The following STAC variants were observed in gnomAD, a reference collection of about 807,000 sequenced individuals.
The protein encoded by STAC is SH3 and cysteine-rich domain-containing protein.
Under a neutral mutation model 48.8 loss-of-function variants are expected in STAC, and 43 were observed. The ratio of observed to expected loss-of-function variants is 0.88; its 90% confidence interval spans 0.69 to 1.14. The LOEUF is 1.14. STAC is among the 50% of genes most tolerant of loss of function. The pLI is 0.00. For synonymous variants in STAC, 193 were observed against 179.5 expected, an observed-to-expected ratio of 1.07 and a Z score of -0.60; for missense variants, 497 against 504.0, an observed-to-expected ratio of 0.99 and a Z score of 0.13.
intron 10 of STAC, among the ~76,000 whole-genome samples, chr3:36,542,615 A>T (rs933247673): frequency 1.3e-5 from 2 of 151,994 alleles, no homozygotes; most frequent in African/African-American, 4.8e-5. Flanking sequence ...GGTGTTTCTT[A>T]CCCCATTGGC....
At position 36,493,201 on chromosome 3, in the gene STAC, G is replaced by T; in HGVS notation, c.738G>T (p.Gly246=). 1 of 1,613,538 alleles carries T rather than the reference G, an allele frequency of 6.2e-7. No homozygotes were observed. The highest frequency in any genetic ancestry group is 8.5e-7 in the Non-Finnish European group (1 of 1,179,608). The change falls in exon 6 of 11, where the codon GGG becomes GGT. Residue 246 remains glycine, a synonymous_variant. Transcript: ENST00000273183. ...VPEEANGPGG[G]YDLRKRSNSV... ...AGGAAGCCAATGGGCCAGGAGGCGG[G>T]TATGACCTAAGGAAACGCAGCAACA...
intron 10 of STAC, among the ~76,000 whole-genome samples, chr3:36,544,143 G>A (rs972757165): frequency 6.6e-6 from 1 of 152,086 alleles, no homozygotes; most frequent in Non-Finnish European, 1.5e-5. Flanking sequence ...CACACTCCCT[G>A]CTCATCACTG....
intron 1 of STAC, among the ~76,000 whole-genome samples, chr3:36,442,742 ACACACACACACACACACACACACAC>A (rs1261435209): frequency 0.018 from 8 of 456 alleles, no homozygotes; most frequent in Non-Finnish European, 0.077. Context: ...TATGTCCTAC[ACACACACACACACACACACACACAC>A]ACACACACAC....
chr3:36,448,154 C>A (rs949531280), intron 2 of STAC, among the ~76,000 whole-genome samples: 1 of 139,506 alleles, frequency 7.2e-6, no homozygotes, highest in African/African-American at 2.7e-5. Context: ...ATTATGGTCA[C>A]AGAATTTTAT....
chr3:36,520,070 A>G (rs1010219351), intron 8 of STAC, among the ~76,000 whole-genome samples: 5 of 152,312 alleles, frequency 3.3e-5, no homozygotes, highest in Admixed American at 3.3e-4. Flanking sequence ...GGACATCCAG[A>G]TCAGTCATGT....
intron 1 of STAC, among the ~76,000 whole-genome samples, chr3:36,412,013 G>C (rs146823501): frequency 9.9e-5 from 15 of 152,280 alleles, no homozygotes; most frequent in Admixed American, 9.1e-4. Context: ...ACAAGTTAAA[G>C]ATAATTTTGA....
chr3:36,494,171 A>AAAAG (rs1299701230), intron 6 of STAC, among the ~76,000 whole-genome samples: 6 of 150,828 alleles, frequency 4.0e-5, no homozygotes, highest in Admixed American at 2.6e-4. Context: ...AAAAAAAAAA[A>AAAAG]AAAGAAAGAG....
At chr3:36,399,628 G>C (rs1699961113) in intron 1 of STAC, among the ~76,000 whole-genome samples, 3 of 152,144 alleles carry the variant, frequency 2.0e-5, no homozygotes, top group Admixed American at 2.0e-4. Flanking sequence ...CAGCTGCCCT[G>C]CTCTCCTAAG....
At chr3:36,481,184 T>C (rs1697636295) in intron 2 of STAC, among the ~76,000 whole-genome samples, 2 of 152,040 alleles carry the variant, frequency 1.3e-5, no homozygotes, top group African/African-American at 4.8e-5. Context: ...AGCTCGAGTA[T>C]TCAAGGAACT....
Position 36,489,514 on chromosome 3 carries a change from G to A in STAC, c.687+3265G>A, listed in dbSNP as rs546679629. 5.4e-4 allele frequency among the ~76,000 whole-genome samples: 82 copies of A among 152,172 alleles called. 1 individual carries two copies. The highest frequency in any genetic ancestry group is 7.6e-4 in the Non-Finnish European group (52 of 68,036). Reference sequence around the variant, plus strand: ...GCACCCACCTCTTCCCTGGTGCCCCGGAGCATCCAGTTCATTAATCCATTA... The same window carrying A: ...GCACCCACCTCTTCCCTGGTGCCCCAGAGCATCCAGTTCATTAATCCATTA... On this transcript the variant is annotated intron_variant, in intron 5 of 10. Coordinates refer to ENST00000273183, the MANE Select transcript of STAC (RefSeq NM_003149.3).
At chr3:36,469,206 G>A (rs534767266) in intron 2 of STAC, among the ~76,000 whole-genome samples, 25 of 152,102 alleles carry the variant, frequency 1.6e-4, no homozygotes, top group Non-Finnish European at 2.9e-4. Flanking sequence ...GATGTAAGGA[G>A]GTTCTATTTT....
chr3:36,381,410 C>T (rs1699507091), intron 1 of STAC, among the ~76,000 whole-genome samples: 1 of 152,202 alleles, frequency 6.6e-6, no homozygotes, highest in Admixed American at 6.5e-5. Context: ...CTGAAACTCC[C>T]GTGGGTGCCA....
At chr3:36,467,547 T>C (rs1409211762) in intron 2 of STAC, among the ~76,000 whole-genome samples, 1 of 152,046 alleles carries the variant, frequency 6.6e-6, no homozygotes, top group African/African-American at 2.4e-5. Context: ...TTCAGAGGTT[T>C]TATATTTTCC....
At chr3:36,512,004 C>T (rs1290041076) in intron 8 of STAC, among the ~76,000 whole-genome samples, 6 of 152,120 alleles carry the variant, frequency 3.9e-5, no homozygotes, top group Admixed American at 3.9e-4. Flanking sequence ...CTGGCTCACA[C>T]CCTGAGGTCA....
intron 1 of STAC, among the ~76,000 whole-genome samples, chr3:36,435,272 G>A (rs956060039): frequency 2.6e-5 from 4 of 152,036 alleles, no homozygotes; most frequent in Admixed American, 1.3e-4. Flanking sequence ...TGACTCAGGA[G>A]ACAGACTTTT....
chr3:36,453,359 G>A (rs1171305908), intron 2 of STAC, among the ~76,000 whole-genome samples: 3 of 152,322 alleles, frequency 2.0e-5, no homozygotes, highest in Middle Eastern at 3.4e-3. Flanking sequence ...AGGCGTGGGC[G>A]GGAACCGGGG....
intron 10 of STAC, chr3:36,529,381 C>T (rs1280600523): frequency 1.3e-5 from 2 of 155,136 alleles, no homozygotes; most frequent in African/African-American, 2.4e-5. Context: ...TTAGGAACCT[C>T]TTGGGTTTTC....
intron 2 of STAC, among the ~76,000 whole-genome samples, chr3:36,481,201 A>G (rs1179722593): frequency 6.6e-6 from 1 of 152,214 alleles, no homozygotes; most frequent in Non-Finnish European, 1.5e-5. Flanking sequence ...AACTATAAGA[A>G]GACCACATGG....
chr3:36,415,216 G>T (rs1700291878), intron 1 of STAC, among the ~76,000 whole-genome samples: 2 of 152,224 alleles, frequency 1.3e-5, no homozygotes, highest in African/African-American at 4.8e-5. Context: ...GGACATTTAA[G>T]TCTGCAGAGG....
Sources: allele counts gnomAD v4.1 joint callset (sites outside exome capture counted in the v4.1 genomes callset), GRCh38; gene constraint gnomAD v4.1.1; transcripts MANE v1.5; gene names NCBI Gene and HGNC (gene_info 2026-07-23, HGNC 2026-07-21).